Variants in CSGALNACT1 observed in about 807,000 individuals in gnomAD.
The protein encoded by CSGALNACT1 is chondroitin sulfate N-acetylgalactosaminyltransferase 1, also known as beta4GalNAcT-1.
A neutral mutation model predicts 51.0 loss-of-function variants in CSGALNACT1; 52 were observed. The observed-to-expected ratio is 1.02, with a 90% CI of 0.82 to 1.29. The LOEUF (loss-of-function observed/expected upper bound fraction) is 1.29, where lower values mean the gene tolerates loss of function less well. CSGALNACT1 is among the 50% of genes most tolerant of loss of function. The pLI, the probability that CSGALNACT1 is intolerant of heterozygous loss-of-function variation, is 0.00. For missense variants in CSGALNACT1, 935 were observed against 679.2 expected (o/e 1.38, Z -4.19); for synonymous variants, 341 against 254.4 (o/e 1.34, Z -3.24).
At chr8:19,563,899 C>A (rs1297372149) in intron 3 of CSGALNACT1, among the ~76,000 whole-genome samples, 1 of 152,114 alleles carries the variant, frequency 6.6e-6, no homozygotes, top group Non-Finnish European at 1.5e-5. Context: ...CCTAGACTCC[C>A]ACCACACTGG....
intron 3 of CSGALNACT1, among the ~76,000 whole-genome samples, chr8:19,526,322 C>A (rs952009232): frequency 6.6e-6 from 1 of 152,184 alleles, no homozygotes; most frequent in African/African-American, 2.4e-5. Flanking sequence ...CAGTGGCTTA[C>A]GCCTATAATC....
At chr8:19,568,320 G>A (rs1478507553) in intron 3 of CSGALNACT1, among the ~76,000 whole-genome samples, 1 of 152,142 alleles carries the variant, frequency 6.6e-6, no homozygotes, top group African/African-American at 2.4e-5. Flanking sequence ...ACAAGGGTAA[G>A]TATTTGTGTA....
At chr8:19,614,797 CACA>C (rs568793257) in intron 1 of CSGALNACT1, among the ~76,000 whole-genome samples, 44 of 152,294 alleles carry the variant, frequency 2.9e-4, no homozygotes, top group African/African-American at 1.0e-3. Context: ...TGACTAAAGA[CACA>C]ACAATTCAGA....
intron 1 of CSGALNACT1, among the ~76,000 whole-genome samples, chr8:19,726,347 T>C (rs1378572748): frequency 2.0e-5 from 3 of 152,056 alleles, no homozygotes; most frequent in African/African-American, 7.3e-5. Context: ...CCTTGATAAA[T>C]ACAGAACATT....
At chr8:19,644,686 G>C (rs530448669) in intron 1 of CSGALNACT1, among the ~76,000 whole-genome samples, 13 of 140,094 alleles carry the variant, frequency 9.3e-5, no homozygotes, top group Non-Finnish European at 1.8e-4. Flanking sequence ...CTCCAGCCTG[G>C]GTAACAGAGC....
intron 5 of CSGALNACT1, among the ~76,000 whole-genome samples, chr8:19,450,138 G>A: frequency 1.0e-5 from 1 of 99,604 alleles, no homozygotes; most frequent in South Asian, 4.7e-4. Flanking sequence ...AGGAGGTGGA[G>A]GGGGAAAAGG....
At chr8:19,533,718 C>T (rs111381476) in intron 3 of CSGALNACT1, among the ~76,000 whole-genome samples, 2,752 of 152,200 alleles carry the variant, frequency 0.018, 32 homozygotes, top group Non-Finnish European at 0.028. Flanking sequence ...TGCAGAATAA[C>T]GCTTAGTTTC....
intron 3 of CSGALNACT1, among the ~76,000 whole-genome samples, chr8:19,519,772 T>C (rs2080271800): frequency 6.6e-6 from 1 of 152,232 alleles, no homozygotes; most frequent in Admixed American, 6.5e-5. Flanking sequence ...TAATGGCTGC[T>C]GTATGCTCCC....
chr8:19,550,797 G>C (rs2087838169), intron 3 of CSGALNACT1, among the ~76,000 whole-genome samples: 1 of 152,160 alleles, frequency 6.6e-6, no homozygotes, highest in Admixed American at 6.5e-5. Flanking sequence ...CCCATTGTCA[G>C]AGTTCTGGGT....
chr8:19,755,526 T>TAAGTTCCC (rs138996828), intron 1 of CSGALNACT1, among the ~76,000 whole-genome samples: 1,945 of 135,844 alleles, frequency 0.014, 25 homozygotes, highest in Middle Eastern at 0.03. Flanking sequence ...GGCACTAGGA[T>TAAGTTCCC]AAGTTCCCAA....
upstream of CSGALNACT1, among the ~76,000 whole-genome samples, chr8:19,604,679 G>A (rs1291591686): frequency 2.0e-5 from 3 of 151,008 alleles, no homozygotes; most frequent in African/African-American, 2.4e-5. Context: ...AGGCCGAGGC[G>A]GGCAGATCAC....
intron 4 of CSGALNACT1, among the ~76,000 whole-genome samples, chr8:19,498,858 AAT>A (rs1466058527): frequency 6.6e-6 from 1 of 152,252 alleles, no homozygotes; most frequent in African/African-American, 2.4e-5. Context: ...TTATGCCTGT[AAT>A]CTCAATGCTT....
chr8:19,584,851 A>T lies in CSGALNACT1; in HGVS notation c.-297+6309T>A, dbSNP rs145700446. On this transcript the variant is annotated intron_variant, in intron 3 of 9. Coordinates refer to ENST00000454498, the Ensembl canonical transcript of CSGALNACT1. ...AATTAAGGGCTTGTCATCCAGACCA[A>T]CAGCAAAGTAGATACTCTGAAGCAA... 7.0e-3 allele frequency among the ~76,000 whole-genome samples: 1,068 copies of T among 152,306 alleles called. 6 individuals are homozygous for T. The highest frequency in any genetic ancestry group is 0.011 in the Non-Finnish European group (715 of 68,030).
chr8:19,702,698 C>A (rs571195414), intron 1 of CSGALNACT1, among the ~76,000 whole-genome samples: 1 of 152,222 alleles, frequency 6.6e-6, no homozygotes, highest in Admixed American at 6.5e-5. Context: ...GTTGGCCAGA[C>A]ACCCATCTTC....
intron 1 of CSGALNACT1, among the ~76,000 whole-genome samples, chr8:19,636,703 T>G (rs746862742): frequency 6.6e-6 from 1 of 152,186 alleles, no homozygotes; most frequent in Non-Finnish European, 1.5e-5. Flanking sequence ...GAGAACTTGG[T>G]AACATCCTTC....
chr8:19,577,639 A>G (rs1308989132), intron 3 of CSGALNACT1, among the ~76,000 whole-genome samples: 24 of 151,768 alleles, frequency 1.6e-4, no homozygotes, highest in Non-Finnish European at 3.5e-4. Flanking sequence ...TCTAGTAGGT[A>G]TCAGGTTAGC....
intron 3 of CSGALNACT1, among the ~76,000 whole-genome samples, chr8:19,548,876 T>C (rs1290206719): frequency 2.0e-5 from 3 of 152,134 alleles, no homozygotes; most frequent in Admixed American, 2.0e-4. Flanking sequence ...TACAGTAGAG[T>C]GGTGCAGTCA....
intron 1 of CSGALNACT1, among the ~76,000 whole-genome samples, chr8:19,665,094 A>G (rs1176127206): frequency 1.3e-5 from 2 of 152,154 alleles, no homozygotes; most frequent in Non-Finnish European, 2.9e-5. Context: ...GCTCACTGCA[A>G]CCTCTAACTC....
At chr8:19,540,810 T>G (rs2084923031) in intron 3 of CSGALNACT1, among the ~76,000 whole-genome samples, 1 of 152,170 alleles carries the variant, frequency 6.6e-6, no homozygotes, top group African/African-American at 2.4e-5. Flanking sequence ...ATCATCTTTC[T>G]CCCTTTGCTG....
Sources: gnomAD v4.1 joint callset for allele counts (sites outside exome capture counted in the v4.1 genomes callset) on GRCh38, gnomAD v4.1.1 for gene constraint, MANE v1.5 for transcripts, NCBI Gene and HGNC (gene_info 2026-07-23, HGNC 2026-07-21) for gene names.